Variants in CASP10 observed in about 807,000 individuals in gnomAD.
CASP10 encodes caspase 10, also known as caspase-10.
In CASP10, 41 loss-of-function variants were observed where a neutral mutation model predicts 48.5. The ratio of observed to expected loss-of-function variants is 0.85; its 90% CI spans 0.66 to 1.10. The LOEUF (loss-of-function observed/expected upper bound fraction) is 1.10. Ranked by LOEUF, CASP10 falls within the 50% of genes least tolerant of loss-of-function variation. The probability of loss-of-function intolerance (pLI) is 0.00; values close to 1 mark genes in which losing one functional copy is unlikely to be tolerated. For synonymous variants in CASP10, 232 were observed against 238.4 expected (o/e 0.97, Z 0.25); for missense variants, 614 against 614.5 (o/e 1.00, Z 0.01).
Position 201,212,031 on chromosome 2 carries a change from C to T in CASP10, c.1415+2469C>T, listed in dbSNP as rs578256480. Among the ~76,000 whole-genome samples the T allele has an allele frequency of 2.7e-4, 41 of 152,258 alleles. No homozygotes were observed. The South Asian group carries it at 5.8e-3, about 22-fold the overall frequency. ...TGGCGCAATCTCAGCTCACTGCAGC[C>T]TCTGCCTCCTAGGTTCAAGCAATTC... On this transcript the variant is annotated intron_variant, in intron 9 of 9. Coordinates refer to ENST00000286186, the MANE Select transcript of CASP10 (RefSeq NM_032977.4).
In CASP10 at chr2:201,209,019, T is replaced by A. The variant is rs370134075; in HGVS notation, c.923-51T>A. ...TTTTGTTTTGCATCATTTTATTATT[T>A]CCCCTTTCTCTCTCTCTCTCTCTTT... On this transcript the variant is annotated intron_variant, in intron 8 of 9. Transcript: ENST00000286186. The A allele has an allele frequency of 2.8e-4, 447 of 1,577,458 alleles. 3 individuals are homozygous for A. In the African/African-American group the frequency reaches 5.5e-3, roughly 19 times the overall value.
intron 3 of CASP10, among the ~76,000 whole-genome samples, chr2:201,189,184 T>C (rs1944520262): frequency 6.6e-6 from 1 of 152,120 alleles, no homozygotes; most frequent in Non-Finnish European, 1.5e-5. Flanking sequence ...ATATTAGAAT[T>C]GTATCATTTC....
At chr2:201,199,694 C>G (rs774636175) in intron 5 of CASP10, among the ~76,000 whole-genome samples, 13 of 151,086 alleles carry the variant, frequency 8.6e-5, no homozygotes, top group Non-Finnish European at 1.9e-4. Flanking sequence ...TGTGCCTCAG[C>G]CTCCCAAGTA....
At chr2:201,200,356 A>G (rs1944970180) in intron 5 of CASP10, 21 of 1,246,984 alleles carry the variant, frequency 1.7e-5, no homozygotes, top group South Asian at 4.9e-5. Flanking sequence ...TTGTAAAACA[A>G]TGCTTTTCTG....
chr2:201,228,289 C>T (rs888331008), intron 9 of CASP10, among the ~76,000 whole-genome samples: 1 of 152,114 alleles, frequency 6.6e-6, no homozygotes, highest in African/African-American at 2.4e-5. Flanking sequence ...AAGCTGAGAT[C>T]GTGCCAGTGA....
In CASP10 at chr2:201,218,215, C is replaced by A; in HGVS notation, c.*474C>A. 2.0e-6 allele frequency: 2 copies of A among 1,013,536 alleles called. No individual in the cohort carries two copies. The highest frequency in any genetic ancestry group is 1.1e-4 in the Admixed American group (2 of 18,876). 62.8% of individuals were successfully genotyped at this position (1,013,536 alleles called of 1,614,324 possible). ...GGATTATAGGCACGAGCCACCACAC[C>A]TGGCCAGAAAACTTTCATTATTGAA... is the stretch of plus-strand genomic sequence containing the variant. On this transcript the variant is annotated 3_prime_UTR_variant, in exon 10 of 10. Coordinates refer to ENST00000286186, the MANE Select transcript of CASP10 (RefSeq NM_032977.4).
At chr2:201,216,439 T>A (rs1054421472) in intron 9 of CASP10, among the ~76,000 whole-genome samples, 2 of 152,062 alleles carry the variant, frequency 1.3e-5, no homozygotes, top group Non-Finnish European at 2.9e-5. Flanking sequence ...TGGTAGTTTC[T>A]TGGTGGAGGT....
intron 5 of CASP10, among the ~76,000 whole-genome samples, chr2:201,198,638 T>G (rs1272582413): frequency 6.6e-6 from 1 of 150,756 alleles, no homozygotes; most frequent in Admixed American, 6.6e-5. Context: ...CCTCCCGTGT[T>G]CACACCATTC....
At chr2:201,204,288 T>C (rs1945128399) in intron 6 of CASP10, among the ~76,000 whole-genome samples, 1 of 152,258 alleles carries the variant, frequency 6.6e-6, no homozygotes, top group African/African-American at 2.4e-5. Flanking sequence ...AAACTGCTTA[T>C]GAACAAACAG....
intron 7 of CASP10, among the ~76,000 whole-genome samples, chr2:201,207,743 C>A (rs112228531): frequency 2.0e-5 from 3 of 148,526 alleles, no homozygotes; most frequent in South Asian, 4.3e-4. Flanking sequence ...GGTGACAGAG[C>A]GAGATGCTGT....
At chr2:201,186,432 T>A in intron 2 of CASP10, 1 of 392,006 alleles carries the variant, frequency 2.6e-6, no homozygotes, top group Non-Finnish European at 4.8e-6. Context: ...CGGCTACACG[T>A]GCAGATCTTC....
At chr2:201,184,076 T>C (rs1438162686) in intron 1 of CASP10, among the ~76,000 whole-genome samples, 1 of 151,926 alleles carries the variant, frequency 6.6e-6, no homozygotes, top group Non-Finnish European at 1.5e-5. Context: ...TTGTATTTTT[T>C]GTAGAGACGG....
intron 5 of CASP10, among the ~76,000 whole-genome samples, chr2:201,201,000 A>T (rs1487077202): frequency 6.6e-6 from 1 of 152,086 alleles, no homozygotes; most frequent in East Asian, 1.9e-4. Flanking sequence ...CTTTGTTTAG[A>T]GAGTTGCAAA....
In CASP10 at chr2:201,209,057, T is replaced by G. The variant is rs776612061; in HGVS notation, c.923-13T>G. 107 of 1,576,648 alleles carry G rather than the reference T, an allele frequency of 6.8e-5. No individual in the cohort carries two copies. The East Asian group carries it at 9.5e-4, about 14-fold the overall frequency. ...TCTCTCTCTCTTTTTTTTTTTTTTT[T>G]GTTTTTAAACAGAGATCCTGAGTCA... On this transcript the variant is annotated splice_polypyrimidine_tract_variant and intron_variant, in intron 8 of 9. Coordinates refer to ENST00000286186, the MANE Select transcript of CASP10 (RefSeq NM_032977.4).
In CASP10 at chr2:201,220,371, C is replaced by T. The variant is rs889935159; in HGVS notation, c.*2630C>T. ...CTCTTGGGTAACTGCCAAACTTTGC[C>T]TTCATACAATGGGTTCCAGGAAAAC... On this transcript the variant is annotated 3_prime_UTR_variant, in exon 10 of 10. Transcript: ENST00000286186. 6.8e-5 allele frequency: 11 copies of T among 162,118 alleles called. No individual in the cohort carries two copies. The highest frequency in any genetic ancestry group is 2.6e-4 in the African/African-American group (11 of 41,526). 10.0% of individuals were successfully genotyped at this position (162,118 alleles called of 1,614,324 possible).
At chr2:201,187,550 A>G (rs191150009) in intron 2 of CASP10, 156 bp from the exon 3 acceptor site, 34 of 702,204 alleles carry the variant, frequency 4.8e-5, no homozygotes, top group African/African-American at 3.7e-4. Flanking sequence ...AGAAACTGAA[A>G]GTTTTCATTT....
chr2:201,216,267 T>C (rs1213876246), intron 9 of CASP10, among the ~76,000 whole-genome samples: 1 of 151,282 alleles, frequency 6.6e-6, no homozygotes, highest in Non-Finnish European at 1.5e-5. Flanking sequence ...TATTAGGGAG[T>C]CTGAAGTGGG....
rs1945653563 is a variant in CASP10 at position 201,218,999 on chromosome 2, G to T, written c.*1258G>T. Reference sequence around the variant, plus strand: ...CATATTCCATTTTGGACTGGGTGCGGTGACTCATGCCTGTAATCCCAGTAC... The same window carrying T: ...CATATTCCATTTTGGACTGGGTGCGTTGACTCATGCCTGTAATCCCAGTAC... On this transcript the variant is annotated 3_prime_UTR_variant, in exon 10 of 10. Transcript: ENST00000286186. 7 of 985,002 alleles carry T rather than the reference G, an allele frequency of 7.1e-6. No individual in the cohort carries two copies. In the South Asian group the frequency reaches 3.3e-4, roughly 46 times the overall value. The allele number at this position is 985,002 out of a possible 1,614,324, so 61.0% of individuals were successfully genotyped here. A position where few individuals can be genotyped will look rare whatever the true frequency, so the allele number is the denominator to read the frequency against.
rs200079223 is a variant in CASP10 at position 201,195,860 on chromosome 2, C to T, written c.596C>T (p.Pro199Leu). Reference sequence around the variant, plus strand: ...TTTTCAGCTATCCAGATAGTGACACCTCCTGTAGACAAGGAAGCCGAGTCG... The same window carrying T: ...TTTTCAGCTATCCAGATAGTGACACTTCCTGTAGACAAGGAAGCCGAGTCG... ...KREKAIQIVTPPVDKEAESYQ... is the reference protein window; with the variant it reads ...KREKAIQIVTLPVDKEAESYQ... Residue 199 changes from proline (P) to leucine (L), a missense_variant, in exon 5 of 10, where the codon CCT becomes CTT. Pro to Leu is a moderately conservative substitution (Grantham distance 98). Transcript: ENST00000286186. 35 of 1,612,440 alleles carry T rather than the reference C, an allele frequency of 2.2e-5. No homozygotes were observed. Among genetic ancestry groups the T allele is most frequent in the Admixed American group, 1.7e-5 (1 of 59,978 alleles).
Sources: gnomAD v4.1 joint callset for allele counts (sites outside exome capture counted in the v4.1 genomes callset) on GRCh38, gnomAD v4.1.1 for gene constraint, MANE v1.5 for transcripts, NCBI Gene and HGNC (gene_info 2026-07-23, HGNC 2026-07-21) for gene names.